Variants in ZFP1 observed in about 807,000 individuals in gnomAD.
ZFP1 encodes zinc finger protein 1 homolog.
A neutral mutation model predicts 38.5 loss-of-function variants in ZFP1; 32 were observed. The observed-to-expected ratio is 0.83, with a 90% CI of 0.63 to 1.12. The LOEUF (loss-of-function observed/expected upper bound fraction) is 1.12, where lower values mean the gene tolerates loss of function less well. Ranked by LOEUF, ZFP1 falls within the 50% of genes most tolerant of loss-of-function variation. ZFP1 has a pLI of 0.00. For missense variants in ZFP1, 616 were observed against 480.8 expected, an observed-to-expected ratio of 1.28 and a Z score of -2.63; for synonymous variants, 245 against 168.8, an observed-to-expected ratio of 1.45 and a Z score of -3.50.
rs1310652752 is a variant in ZFP1, at chr16:75,169,973, G to A, written c.863G>A (p.Arg288Lys). Residue 288 changes from arginine (R) to lysine (K), a missense_variant, in exon 4 of 4, where the codon AGA (arginine) becomes AAA (lysine). Arg to Lys is a conservative substitution (Grantham distance 26). Transcript: ENST00000570010. Reference protein sequence around the residue: ...AQKFELTTHQRIHTGERPYEC... With the variant: ...AQKFELTTHQKIHTGERPYEC... ...AAGTTTGAACTCACCACACACCAGAGAATTCATACAGGAGAGCGACCCTAT... is the reference window on the plus strand; with the variant it reads ...AAGTTTGAACTCACCACACACCAGAAAATTCATACAGGAGAGCGACCCTAT... The A allele has an allele frequency of 1.9e-6, 3 of 1,614,180 alleles. No homozygotes were observed. Among genetic ancestry groups the A allele is most frequent in the African/African-American group, 1.3e-5 (1 of 75,062 alleles).
intron 2 of ZFP1, among the ~76,000 whole-genome samples, chr16:75,160,358 ACCCATCTGTACTAAAC>A: frequency 6.6e-6 from 1 of 151,904 alleles, no homozygotes; most frequent in East Asian, 1.9e-4. Flanking sequence ...CATGTACTAA[ACCCATCTGTACTAAAC>A]CCCATCTGTA....
Position 75,171,210 on chromosome 16 carries a change from C to G in ZFP1, c.*876C>G, listed in dbSNP as rs921700966. On this transcript the variant is annotated 3_prime_UTR_variant, in exon 4 of 4. Coordinates refer to ENST00000570010, the MANE Select transcript of ZFP1 (RefSeq NM_153688.4). Reference sequence around the variant, plus strand: ...AAATATTGTGTAACACAGACAGAAACCACCTGTTTTTGTCTTTCCTTGTTT... The same window carrying G: ...AAATATTGTGTAACACAGACAGAAAGCACCTGTTTTTGTCTTTCCTTGTTT... The G allele has an allele frequency of 1.3e-5, 2 of 152,122 alleles. No individual in the cohort carries two copies. The highest frequency in any genetic ancestry group is 2.9e-5 in the Non-Finnish European group (2 of 68,028). 9.4% of individuals were successfully genotyped at this position (152,122 alleles called of 1,614,324 possible).
chr16:75,168,606 C>G (rs536172370), intron 3 of ZFP1, among the ~76,000 whole-genome samples: 13 of 151,840 alleles, frequency 8.6e-5, no homozygotes, highest in African/African-American at 2.9e-4. Flanking sequence ...GGTTGTGTAT[C>G]TCTTAGCGAA....
At chr16:75,151,680 A>C (rs940430530) in intron 1 of ZFP1, among the ~76,000 whole-genome samples, 1 of 152,226 alleles carries the variant, frequency 6.6e-6, no homozygotes, top group African/African-American at 2.4e-5. Context: ...GTAAACCCAC[A>C]AAACTTTGCT....
intron 3 of ZFP1, among the ~76,000 whole-genome samples, chr16:75,168,022 T>C (rs759835128): frequency 3.9e-5 from 6 of 151,924 alleles, no homozygotes; most frequent in Non-Finnish European, 8.8e-5. Context: ...GATCACACCA[T>C]TATACTCCAG....
the ZFP1 span, among the ~76,000 whole-genome samples, chr16:75,129,667 T>A: frequency 6.6e-6 from 1 of 152,196 alleles, no homozygotes; most frequent in Non-Finnish European, 1.5e-5. Context: ...TTGATTGATG[T>A]CTCATGTTTC....
At chr16:75,146,093 G>A (rs1349431510), upstream of ZFP1, among the ~76,000 whole-genome samples, 6 of 152,066 alleles carry the variant, frequency 3.9e-5, no homozygotes, top group East Asian at 5.8e-4. Flanking sequence ...GACAAGTCCC[G>A]CGAAGGGGTC....
the ZFP1 span, among the ~76,000 whole-genome samples, chr16:75,130,136 G>T: frequency 5.3e-5 from 8 of 151,966 alleles, no homozygotes; most frequent in African/African-American, 1.9e-4. Context: ...AGCTAGCTGG[G>T]ATTACAGGTA....
chr16:75,146,842 A>T (rs1377380748), upstream of ZFP1, among the ~76,000 whole-genome samples: 1 of 151,112 alleles, frequency 6.6e-6, no homozygotes, highest in East Asian at 2.0e-4. Flanking sequence ...TGGGAGGCTG[A>T]ACTGGGAGGG....
chr16:75,138,834 C>G, the ZFP1 span, among the ~76,000 whole-genome samples: 1 of 152,168 alleles, frequency 6.6e-6, no homozygotes, highest in East Asian at 1.9e-4. Flanking sequence ...GACTTCCGTT[C>G]TCCAGAACTG....
At chr16:75,166,988 T>C (rs1166163316) in intron 3 of ZFP1, 92 bp downstream of exon 3, 1 of 1,528,346 alleles carries the variant, frequency 6.5e-7, no homozygotes. Context: ...AATTACTAAA[T>C]GTTTTTGGCC....
At chr16:75,152,353 C>G in intron 1 of ZFP1, among the ~76,000 whole-genome samples, 1 of 152,194 alleles carries the variant, frequency 6.6e-6, no homozygotes, top group East Asian at 1.9e-4. Context: ...GATATTGTCT[C>G]ACAGCCCTTG....
chr16:75,127,936 A>G, the ZFP1 span: 1 of 152,248 alleles, frequency 6.6e-6, no homozygotes, highest in African/African-American at 2.4e-5. Flanking sequence ...ATTTCTACAG[A>G]TTTTGGAAAC....
At chr16:75,128,570 C>T in the ZFP1 span, among the ~76,000 whole-genome samples, 1 of 152,180 alleles carries the variant, frequency 6.6e-6, no homozygotes, top group Non-Finnish European at 1.5e-5. Context: ...TTATTATTAT[C>T]TACAGTTTGA....
At chr16:75,149,174 C>T (rs144181217) in intron 1 of ZFP1, 8 of 152,336 alleles carry the variant, frequency 5.3e-5, no homozygotes, top group African/African-American at 1.9e-4. Context: ...CCGTGACTTC[C>T]AGCGTTATCA....
the ZFP1 span, among the ~76,000 whole-genome samples, chr16:75,123,125 G>C: frequency 8.1e-3 from 1,226 of 152,010 alleles, 17 homozygotes; most frequent in African/African-American, 0.028. Flanking sequence ...AGGACAAGGC[G>C]AGTGGATCAC....
chr16:75,137,621 G>A, the ZFP1 span, among the ~76,000 whole-genome samples: 5 of 151,192 alleles, frequency 3.3e-5, no homozygotes, highest in Admixed American at 1.3e-4. Context: ...CCACCACCAC[G>A]CCCGGCTAAT....
the ZFP1 span, among the ~76,000 whole-genome samples, chr16:75,129,423 A>G: frequency 6.6e-6 from 1 of 152,164 alleles, no homozygotes; most frequent in African/African-American, 2.4e-5. Context: ...TCACTAAGCT[A>G]AAGGGAAAAG....
chr16:75,168,321 TC>T (rs2038213725), intron 3 of ZFP1, among the ~76,000 whole-genome samples: 1 of 152,144 alleles, frequency 6.6e-6, no homozygotes, highest in Non-Finnish European at 1.5e-5. Context: ...GGTAACTTTA[TC>T]CTTAAGATGC....
Sources: gnomAD v4.1 joint callset for allele counts (sites outside exome capture counted in the v4.1 genomes callset) on GRCh38, gnomAD v4.1.1 for gene constraint, MANE v1.5 for transcripts, NCBI Gene and HGNC (gene_info 2026-07-23, HGNC 2026-07-21) for gene names.